Variants in KIF3A observed in about 807,000 individuals in gnomAD.
The protein encoded by KIF3A is kinesin family member 3A, also known as kinesin-like protein KIF3A.
Under a neutral mutation model 92.6 loss-of-function variants are expected in KIF3A, and 27 were observed. The observed-to-expected ratio is 0.29, with a 90% confidence interval of 0.21 to 0.40. KIF3A has a LOEUF of 0.40. KIF3A is among the 10% of genes least tolerant of loss of function. KIF3A has a pLI of 1.00. For synonymous variants in KIF3A, 250 were observed against 275.4 expected (o/e 0.91, Z 0.92); for missense variants, 581 against 872.6 (o/e 0.67, Z 4.21).
chr5:132,724,806 AATATATATATATATATATATATAT>A lies in KIF3A; in HGVS notation c.510+1298_510+1321del, dbSNP rs1167332306. On this transcript the variant is annotated intron_variant, in intron 4 of 18. Coordinates refer to ENST00000403231, the MANE Select transcript of KIF3A (RefSeq NM_001300791.2). ...TTAAAGTATAATAAAAAAAAAAAAA[AATATATATATATATATATATATAT>A]ATATATATATATATATATATATATA... Among the ~76,000 whole-genome samples the A allele has an allele frequency of 2.9e-3, 66 of 22,686 alleles. 2 individuals carry two copies. The highest frequency in any genetic ancestry group is 0.011 in the African/African-American group (61 of 5,538). The allele number at this position is 22,686 out of a possible 152,430, so 14.9% of individuals were successfully genotyped here.
chr5:132,696,173 CA>C lies in KIF3A; in HGVS notation c.*460del, dbSNP rs1638682810. ...GGCTGGGTGGGTGTTAGGACGGAAT[CA>C]TTCTTTAGATGTACAGTCCAAACAT... is the stretch of plus-strand genomic sequence containing the variant. On this transcript the variant is annotated 3_prime_UTR_variant, in exon 19 of 19. Coordinates refer to ENST00000403231, the MANE Select transcript of KIF3A (RefSeq NM_001300791.2). The C allele has an allele frequency of 6.5e-6, 1 of 152,886 alleles. No homozygotes were observed. The highest frequency in any genetic ancestry group is 1.5e-5 in the Non-Finnish European group (1 of 68,154). 9.5% of individuals were successfully genotyped at this position (152,886 alleles called of 1,614,324 possible).
chr5:132,737,318 C>A (rs540363692), intron 1 of KIF3A, 96 bp downstream of exon 1: 18 of 1,401,348 alleles, frequency 1.3e-5, no homozygotes, highest in Middle Eastern at 1.8e-4. Flanking sequence ...CCACCCAGGC[C>A]GCCTGCCGGC....
intron 8 of KIF3A, among the ~76,000 whole-genome samples, chr5:132,711,673 TCA>T (rs945968269): frequency 6.6e-6 from 1 of 152,092 alleles, no homozygotes; most frequent in Non-Finnish European, 1.5e-5. Context: ...AGTTACTAAT[TCA>T]GTCTTTTAAA....
chr5:132,730,045 GT>G (rs1198579641), intron 2 of KIF3A, among the ~76,000 whole-genome samples: 2 of 152,128 alleles, frequency 1.3e-5, no homozygotes, highest in Middle Eastern at 3.2e-3. Flanking sequence ...AATGAGAAAA[GT>G]TATACCACTA....
At chr5:132,706,350 A>T (rs1309029417) in intron 11 of KIF3A, 101 bp downstream of exon 11, 2 of 765,898 alleles carry the variant, frequency 2.6e-6, no homozygotes, top group African/African-American at 3.8e-5. Context: ...CTTACCTGGT[A>T]AAAAAACTAC....
chr5:132,731,740 T>C (rs148569442), intron 2 of KIF3A, among the ~76,000 whole-genome samples: 3,867 of 152,096 alleles, frequency 0.025, 171 homozygotes, highest in African/African-American at 0.09. Context: ...AGACAGAGTC[T>C]TGCCCTGTCA....
intron 7 of KIF3A, 102 bp from the exon 8 acceptor site, chr5:132,716,033 C>G: frequency 1.1e-6 from 1 of 947,090 alleles, no homozygotes; most frequent in Non-Finnish European, 1.6e-6. Context: ...CACATATGCA[C>G]CCTTGGCCTT....
At chr5:132,716,221 A>G (rs1395767844) in intron 7 of KIF3A, 24 bp downstream of exon 7, 2 of 1,558,894 alleles carry the variant, frequency 1.3e-6, no homozygotes, top group African/African-American at 2.7e-5. Flanking sequence ...CCTGATGTTA[A>G]CTATATCACC....
intron 10 of KIF3A, among the ~76,000 whole-genome samples, chr5:132,708,653 C>T (rs562539276): frequency 1.2e-4 from 18 of 152,342 alleles, no homozygotes; most frequent in African/African-American, 4.3e-4. Context: ...GCTCTCTTTA[C>T]ATTATCTCAA....
At chr5:132,690,482 C>T (rs560537486), downstream of KIF3A, among the ~76,000 whole-genome samples, 38 of 152,220 alleles carry the variant, frequency 2.5e-4, 1 homozygote, top group Admixed American at 1.1e-3. Flanking sequence ...TAAACAACAA[C>T]ATTTTCAAAT....
intron 15 of KIF3A, 130 bp downstream of exon 15, chr5:132,701,957 G>T: frequency 4.2e-6 from 4 of 957,280 alleles, no homozygotes; most frequent in Non-Finnish European, 6.2e-6. Flanking sequence ...AGTGAAATGT[G>T]ATGGCATTTG....
In KIF3A at chr5:132,737,441, G is replaced by A. The variant is rs973688523; in HGVS notation, c.-22C>T. ...GCATCTTGGCCCCCTCCCGTGCCCG[G>A]CGGACGTCCCCGCCCGGGGTGCAGC... On this transcript the variant is annotated 5_prime_UTR_variant, in exon 1 of 19. Coordinates refer to ENST00000403231, the MANE Select transcript of KIF3A (RefSeq NM_001300791.2). 1.2e-6 allele frequency: 2 copies of A among 1,602,606 alleles called. No individual in the cohort carries two copies. Among genetic ancestry groups the A allele is most frequent in the South Asian group, 1.1e-5 (1 of 89,264 alleles).
At position 132,716,835 on chromosome 5, in the gene KIF3A, T is replaced by C. The variant is rs1376421378; in HGVS notation, c.756+10A>G. 1 of 1,613,222 alleles carries C rather than the reference T, an allele frequency of 6.2e-7. No individual in the cohort carries two copies. The highest frequency in any genetic ancestry group is 2.2e-5 in the East Asian group (1 of 44,862). ...AAGAGTTATTCCTTAAGCAGTGTCC[T>C]GTTACTTACAGCAAGATCTACAAGA... On this transcript the variant is annotated intron_variant, in intron 6 of 18. Coordinates refer to ENST00000403231, the MANE Select transcript of KIF3A (RefSeq NM_001300791.2).
In KIF3A at chr5:132,693,967, TAA is replaced by T. The variant is rs914374550; in HGVS notation, c.*2665_*2666del. The T allele has an allele frequency of 1.4e-5, 2 of 142,928 alleles. No homozygotes were observed. The highest frequency in any genetic ancestry group is 3.1e-5 in the Non-Finnish European group (2 of 65,440). The allele number at this position is 142,928 out of a possible 1,614,324, so 8.9% of individuals were successfully genotyped here. ...CTGCACTCCAGCCTGGGCGACAGAG[TAA>T]GACTCCGTCTCAAAAAAAAAAAAAA... On this transcript the variant is annotated 3_prime_UTR_variant, in exon 19 of 19. Transcript: ENST00000403231.
At chr5:132,737,037 G>A in intron 1 of KIF3A, 2 of 379,654 alleles carry the variant, frequency 5.3e-6, no homozygotes, top group Non-Finnish European at 9.7e-6. Flanking sequence ...GCTCCGAGGC[G>A]CAAAGGCCTC....
intron 17 of KIF3A, among the ~76,000 whole-genome samples, chr5:132,699,863 G>A (rs186476246): frequency 1.8e-3 from 268 of 152,076 alleles, no homozygotes; most frequent in Middle Eastern, 3.4e-3. Context: ...CGCCCGGCCC[G>A]CTCCCTCTTC....
Position 132,726,215 on chromosome 5 carries a change from A to G in KIF3A, c.426-3T>C. 5.0e-6 allele frequency: 8 copies of G among 1,600,668 alleles called. No individual in the cohort carries two copies. The highest frequency in any genetic ancestry group is 6.8e-6 in the Non-Finnish European group (8 of 1,173,636). ...AATAAGACACTCGAACCAAAAATCTATAAAACATCATTTTTAAAAAGTCAA... is the reference window on the plus strand; with the variant it reads ...AATAAGACACTCGAACCAAAAATCTGTAAAACATCATTTTTAAAAAGTCAA... On this transcript the variant is annotated splice_polypyrimidine_tract_variant and splice_region_variant and intron_variant, in intron 3 of 18. Transcript: ENST00000403231.
chr5:132,712,144 C>G (rs770376994), intron 8 of KIF3A, among the ~76,000 whole-genome samples: 1 of 152,140 alleles, frequency 6.6e-6, no homozygotes, highest in Non-Finnish European at 1.5e-5. Context: ...GAAACAATGA[C>G]ATCTTGGTAG....
chr5:132,689,346 T>G (rs1752610225), downstream of KIF3A, among the ~76,000 whole-genome samples: 2 of 152,310 alleles, frequency 1.3e-5, no homozygotes, highest in Non-Finnish European at 2.9e-5. Flanking sequence ...TACCTTGTTT[T>G]AAAAATGGAT....
Sources: gnomAD v4.1 joint callset for allele counts (sites outside exome capture counted in the v4.1 genomes callset) on GRCh38, gnomAD v4.1.1 for gene constraint, MANE v1.5 for transcripts, NCBI Gene and HGNC (gene_info 2026-07-23, HGNC 2026-07-21) for gene names.